Variants in TSPAN16 observed in about 807,000 individuals in gnomAD.
The protein encoded by TSPAN16 is tetraspanin 16.
A neutral mutation model predicts 25.2 loss-of-function variants in TSPAN16; 23 were observed. The observed-to-expected ratio is 0.91, with a 90% CI of 0.66 to 1.29. The LOEUF (loss-of-function observed/expected upper bound fraction) is 1.29, where lower values mean the gene tolerates loss of function less well. Ranked by LOEUF, TSPAN16 falls within the 50% of genes most tolerant of loss-of-function variation. The pLI is 0.00. For synonymous variants in TSPAN16, 123 were observed against 124.4 expected (o/e 0.99, Z 0.08); for missense variants, 272 against 299.9 (o/e 0.91, Z 0.69).
At chr19:11,307,198 C>T (rs919652413) in intron 5 of TSPAN16, among the ~76,000 whole-genome samples, 1 of 152,158 alleles carries the variant, frequency 6.6e-6, no homozygotes, top group African/African-American at 2.4e-5. Flanking sequence ...TGGCTCACTG[C>T]AACCTCCGCC....
intron 6 of TSPAN16, chr19:11,325,341 T>C: frequency 8.3e-7 from 1 of 1,201,716 alleles, no homozygotes. Flanking sequence ...GGCTCACGCC[T>C]CGATCACAGT....
intron 3 of TSPAN16, among the ~76,000 whole-genome samples, chr19:11,299,151 C>T (rs1000046177): frequency 1.1e-4 from 16 of 151,914 alleles, no homozygotes; most frequent in Non-Finnish European, 1.0e-4. Flanking sequence ...CGTGATAGCA[C>T]GCACTTGTAA....
intron 5 of TSPAN16, among the ~76,000 whole-genome samples, chr19:11,309,484 G>A (rs322147): frequency 0.61 from 93,133 of 152,126 alleles, 31,046 homozygotes; most frequent in African/African-American, 0.88. Flanking sequence ...CTGCCTCACC[G>A]CCTTTGCACA....
chr19:11,313,884 T>C (rs762122811), intron 6 of TSPAN16, among the ~76,000 whole-genome samples: 1 of 152,222 alleles, frequency 6.6e-6, no homozygotes, highest in Non-Finnish European at 1.5e-5. Context: ...TGAAGACATG[T>C]ATCCATACAA....
chr19:11,296,811 G>C (rs2080483273), intron 1 of TSPAN16, among the ~76,000 whole-genome samples: 1 of 152,214 alleles, frequency 6.6e-6, no homozygotes, highest in African/African-American at 2.4e-5. Flanking sequence ...GGCCAAGGCG[G>C]GTGGATCACG....
intron 5 of TSPAN16, among the ~76,000 whole-genome samples, chr19:11,307,351 C>A (rs2080640823): frequency 6.6e-6 from 1 of 150,626 alleles, no homozygotes; most frequent in African/African-American, 2.4e-5. Flanking sequence ...AACTCCTGAG[C>A]TCAAGTGATC....
In TSPAN16 at chr19:11,315,892, C is replaced by T. The variant is rs1336311785; in HGVS notation, c.*54C>T. On this transcript the variant is annotated 3_prime_UTR_variant, in exon 7 of 7. Coordinates refer to ENST00000590327, the MANE Select transcript of TSPAN16 (RefSeq NM_001282509.2). Reference sequence around the variant, plus strand: ...TGGGCCCATCTGGCTGCTGGAGATTCAGTCTCAGTTTTATTTCTCTGTGGC... The same window carrying T: ...TGGGCCCATCTGGCTGCTGGAGATTTAGTCTCAGTTTTATTTCTCTGTGGC... The T allele has an allele frequency of 2.4e-6, 3 of 1,231,640 alleles. No homozygotes were observed. The highest frequency in any genetic ancestry group is 3.0e-6 in the Non-Finnish European group (3 of 987,696). The allele number at this position is 1,231,640 out of a possible 1,614,324, so 76.3% of individuals were successfully genotyped here.
chr19:11,320,121 A>ATTTTTTTTTTTTT (rs1599351537), downstream of TSPAN16, among the ~76,000 whole-genome samples: 4 of 73,660 alleles, frequency 5.4e-5, no homozygotes, highest in Admixed American at 1.4e-4. Context: ...CCCGGCCAGG[A>ATTTTTTTTTTTTT]CTTTTTTTTT....
downstream of TSPAN16, among the ~76,000 whole-genome samples, chr19:11,318,929 A>C (rs1159017162): frequency 6.6e-6 from 1 of 152,040 alleles, no homozygotes; most frequent in African/African-American, 2.4e-5. Context: ...TTACAGGCGT[A>C]AGCCACTGCC....
At chr19:11,322,433 G>C (rs1239715344) in intron 6 of TSPAN16, 1 of 152,054 alleles carries the variant, frequency 6.6e-6, no homozygotes, top group Non-Finnish European at 1.5e-5. Context: ...ATAAACACAA[G>C]CTGCTAAAAG....
intron 4 of TSPAN16, among the ~76,000 whole-genome samples, chr19:11,304,519 T>C (rs1451682194): frequency 1.3e-5 from 2 of 151,160 alleles, no homozygotes. Flanking sequence ...ATTTTTAAAA[T>C]TTTTATTTTT....
At chr19:11,319,666 T>C (rs926178949), downstream of TSPAN16, among the ~76,000 whole-genome samples, 1 of 151,828 alleles carries the variant, frequency 6.6e-6, no homozygotes, top group African/African-American at 2.4e-5. Flanking sequence ...AACAGCCAAA[T>C]GGAAGTGATA....
chr19:11,297,938 C>T lies in TSPAN16; in HGVS notation c.70-204C>T, dbSNP rs148831552. ...ACCTGAGTAGCTGAGACTACAGGCA[C>T]GCACTACTACTGGCTATTTTTTTTT... On this transcript the variant is annotated intron_variant, in intron 1 of 6. Transcript: ENST00000590327. 1.8e-3 allele frequency among the ~76,000 whole-genome samples: 269 copies of T among 148,688 alleles called. 4 individuals are homozygous for T. The highest frequency in any genetic ancestry group is 6.3e-3 in the African/African-American group (247 of 39,314).
At chr19:11,297,758 A>G (rs986931544) in intron 1 of TSPAN16, among the ~76,000 whole-genome samples, 8 of 151,900 alleles carry the variant, frequency 5.3e-5, no homozygotes, top group African/African-American at 1.7e-4. Flanking sequence ...CGGCCTCCCA[A>G]AGTGCTGGGA....
chr19:11,296,294 C>G lies in TSPAN16; in HGVS notation c.-4C>G. ...AATGTTCAGGGTGCCCCAGTCTGTT[C>G]AGCATGGCTGAAATCCACACTCCGT... On this transcript the variant is annotated 5_prime_UTR_variant, in exon 1 of 7. Transcript: ENST00000590327. 1 of 1,614,016 alleles carries G rather than the reference C, an allele frequency of 6.2e-7. No individual in the cohort carries two copies. Among genetic ancestry groups the G allele is most frequent in the Non-Finnish European group, 8.5e-7 (1 of 1,179,942 alleles).
At chr19:11,305,088 C>A (rs1372309109) in intron 4 of TSPAN16, among the ~76,000 whole-genome samples, 1 of 152,128 alleles carries the variant, frequency 6.6e-6, no homozygotes. Context: ...CTGGCTGATG[C>A]CTTTCTGCAT....
At chr19:11,311,127 G>A (rs149136764) in intron 5 of TSPAN16, among the ~76,000 whole-genome samples, 7 of 152,156 alleles carry the variant, frequency 4.6e-5, no homozygotes, top group African/African-American at 7.2e-5. Flanking sequence ...ATGAGCCATC[G>A]TGCCCAGCCT....
At chr19:11,323,391 G>A (rs1568298106) in intron 6 of TSPAN16, 1 of 152,082 alleles carries the variant, frequency 6.6e-6, no homozygotes, top group Non-Finnish European at 1.5e-5. Flanking sequence ...GTCAGTTTGA[G>A]ACAAGCCTCA....
At chr19:11,307,133 AT>A (rs1179644577) in intron 5 of TSPAN16, among the ~76,000 whole-genome samples, 3 of 137,124 alleles carry the variant, frequency 2.2e-5, no homozygotes, top group African/African-American at 5.5e-5. Context: ...TTAGTTAGTT[AT>A]TTTGAGATGG....
Sources: gnomAD v4.1 joint callset for allele counts (sites outside exome capture counted in the v4.1 genomes callset) on GRCh38, gnomAD v4.1.1 for gene constraint, MANE v1.5 for transcripts, NCBI Gene and HGNC (gene_info 2026-07-23, HGNC 2026-07-21) for gene names.